The following PDE1C variants were observed in gnomAD, a reference collection of about 807,000 sequenced individuals.
The protein encoded by PDE1C is phosphodiesterase 1C.
In PDE1C, 62 loss-of-function variants were observed where a neutral mutation model predicts 93.1. That is an observed-to-expected ratio of 0.67 (90% CI 0.54 to 0.82). The LOEUF is 0.82. PDE1C is among the 40% of genes least tolerant of loss of function. PDE1C has a pLI of 0.00. For synonymous variants in PDE1C, 325 were observed against 310.1 expected (o/e 1.05, Z -0.50); for missense variants, 742 against 884.6 (o/e 0.84, Z 2.04).
In PDE1C at chr7:32,125,786, C is replaced by T. The variant is rs146553754; in HGVS notation, c.308+43999G>A. Among the ~76,000 whole-genome samples the T allele has an allele frequency of 8.6e-3, 1,302 of 151,926 alleles. 5 individuals carry two copies. Among genetic ancestry groups the T allele is most frequent in the Non-Finnish European group, 0.013 (911 of 67,924 alleles). ...AGATGCAGCAAACCACCATGTCACA[C>T]GTATATCTATGTAACAAACCTGCAC... On this transcript the variant is annotated intron_variant, in intron 3 of 18. Coordinates refer to the PDE1C transcript ENST00000396193.
intron 2 of PDE1C, among the ~76,000 whole-genome samples, chr7:32,006,289 T>A (rs997611749): frequency 6.6e-6 from 1 of 152,198 alleles, no homozygotes; most frequent in African/African-American, 2.4e-5. Flanking sequence ...ATAGGAACAA[T>A]GCTCTCCAAA....
At chr7:31,993,740 G>C (rs1784409750) in intron 2 of PDE1C, among the ~76,000 whole-genome samples, 1 of 151,992 alleles carries the variant, frequency 6.6e-6, no homozygotes, top group African/African-American at 2.4e-5. Flanking sequence ...AAATCAGAAG[G>C]CCTAAGCTCT....
At chr7:32,226,994 A>C (rs914912684) in intron 1 of PDE1C, among the ~76,000 whole-genome samples, 1 of 151,988 alleles carries the variant, frequency 6.6e-6, no homozygotes, top group Non-Finnish European at 1.5e-5. Flanking sequence ...TTCATCCTCA[A>C]TTGCTTTCTT....
At chr7:31,709,191 C>A in the PDE1C span, among the ~76,000 whole-genome samples, 7 of 152,256 alleles carry the variant, frequency 4.6e-5, no homozygotes, top group Admixed American at 2.0e-4. Flanking sequence ...ACTCTGAAAA[C>A]CTTCATCGTT....
chr7:31,717,457 T>A, the PDE1C span, among the ~76,000 whole-genome samples: 1 of 152,134 alleles, frequency 6.6e-6, no homozygotes. Context: ...GTGTGAATGT[T>A]TGCCCTTGGG....
chr7:31,839,349 C>T (rs1791550544), intron 9 of PDE1C, among the ~76,000 whole-genome samples: 1 of 141,444 alleles, frequency 7.1e-6, no homozygotes, highest in South Asian at 2.3e-4. Context: ...ATTATACACA[C>T]ATACATACGC....
rs146107992 is a variant in PDE1C at position 31,771,708 on chromosome 7, T to C, written c.1960+3956A>G. Among the ~76,000 whole-genome samples, 600 of 152,302 alleles carry C rather than the reference T, an allele frequency of 3.9e-3. 14 individuals are homozygous for C. The highest frequency in any genetic ancestry group is 0.01 in the East Asian group (53 of 5,182). ...TGCCTTTTCACTGTATTCATGTGTC[T>C]TTTGATGTATAAAAAGTTTTTAATT... On this transcript the variant is annotated intron_variant, in intron 17 of 17. Transcript: ENST00000396191.
chr7:32,167,089 A>C (rs1183316131), intron 3 of PDE1C, among the ~76,000 whole-genome samples: 1 of 152,150 alleles, frequency 6.6e-6, no homozygotes. Flanking sequence ...GAAACATAAA[A>C]ATATTTGAAA....
intron 1 of PDE1C, among the ~76,000 whole-genome samples, chr7:32,413,186 C>T (rs2128098285): frequency 6.6e-6 from 1 of 152,164 alleles, no homozygotes; most frequent in Non-Finnish European, 1.5e-5. Flanking sequence ...GGGGGGAATG[C>T]ATGACACCTG....
chr7:31,753,614 T>A (rs1794252874), intron 17 of PDE1C, 61 bp from the exon 18 acceptor site: 1 of 1,539,574 alleles, frequency 6.5e-7, no homozygotes, highest in Admixed American at 2.0e-5. Context: ...TGCCACAACC[T>A]AAATATTGTG....
the PDE1C span, among the ~76,000 whole-genome samples, chr7:31,630,722 A>G: frequency 1.3e-5 from 2 of 152,202 alleles, no homozygotes; most frequent in Non-Finnish European, 2.9e-5. Context: ...AAATGAACCT[A>G]CAAAGAAAAA....
At chr7:31,947,047 T>C (rs1806715469) in intron 2 of PDE1C, among the ~76,000 whole-genome samples, 1 of 152,226 alleles carries the variant, frequency 6.6e-6, no homozygotes, top group South Asian at 2.1e-4. Flanking sequence ...TCTGGTGGTC[T>C]TTGTTTTTGT....
intron 2 of PDE1C, among the ~76,000 whole-genome samples, chr7:31,913,307 A>G (rs1335230328): frequency 6.6e-6 from 1 of 152,238 alleles, no homozygotes; most frequent in East Asian, 1.9e-4. Context: ...TGTTGGAATG[A>G]AATTTCAGCA....
At chr7:32,357,399 A>T (rs1234811183) in intron 1 of PDE1C, among the ~76,000 whole-genome samples, 2 of 152,160 alleles carry the variant, frequency 1.3e-5, no homozygotes, top group Non-Finnish European at 2.9e-5. Flanking sequence ...GAGAAAATAT[A>T]AAATAAAACA....
chr7:32,031,075 C>T (rs1474619994), intron 2 of PDE1C, among the ~76,000 whole-genome samples: 1 of 152,142 alleles, frequency 6.6e-6, no homozygotes, highest in East Asian at 1.9e-4. Context: ...CAGTGAGCTT[C>T]CCTTCTCCAC....
intron 2 of PDE1C, among the ~76,000 whole-genome samples, chr7:31,908,635 A>G (rs1800876342): frequency 6.6e-6 from 1 of 152,212 alleles, no homozygotes; most frequent in South Asian, 2.1e-4. Flanking sequence ...GACGTAGTTA[A>G]TGTTATTATT....
chr7:32,243,047 C>T (rs1027631213), intron 1 of PDE1C, among the ~76,000 whole-genome samples: 1 of 152,028 alleles, frequency 6.6e-6, no homozygotes. Flanking sequence ...TGCTGGGGTG[C>T]CTGACACAAA....
At chr7:32,053,148 A>G (rs1793611007) in intron 1 of PDE1C, among the ~76,000 whole-genome samples, 1 of 152,184 alleles carries the variant, frequency 6.6e-6, no homozygotes, top group South Asian at 2.1e-4. Flanking sequence ...ATGCTGGACT[A>G]GTTATTAAAT....
At chr7:31,839,823 G>A (rs1194431912) in intron 9 of PDE1C, among the ~76,000 whole-genome samples, 1 of 152,184 alleles carries the variant, frequency 6.6e-6, no homozygotes, top group African/African-American at 2.4e-5. Context: ...GATCACCTGA[G>A]GTCAGGAGTT....
Sources: allele counts gnomAD v4.1 joint callset (sites outside exome capture counted in the v4.1 genomes callset), GRCh38; gene constraint gnomAD v4.1.1; transcripts MANE v1.5; gene names NCBI Gene and HGNC (gene_info 2026-07-23, HGNC 2026-07-21).